ZNF385D: variants seen among roughly 807,000 people sequenced by gnomAD.
ZNF385D encodes the protein zinc finger protein 659.
A neutral mutation model predicts 35.8 loss-of-function variants in ZNF385D; 15 were observed. That is an observed-to-expected ratio of 0.42 (90% CI 0.28 to 0.64). ZNF385D has a LOEUF of 0.64. Ranked by LOEUF, ZNF385D falls within the 30% of genes least tolerant of loss-of-function variation. The pLI, the probability that ZNF385D is intolerant of heterozygous loss-of-function variation, is 0.23. For synonymous variants in ZNF385D, 212 were observed against 186.8 expected (o/e 1.13, Z -1.10); for missense variants, 474 against 494.6 (o/e 0.96, Z 0.39).
At chr3:22,019,560 A>AT (rs1697102658) in intron 3 of ZNF385D, among the ~76,000 whole-genome samples, 1 of 151,978 alleles carries the variant, frequency 6.6e-6, no homozygotes, top group South Asian at 2.1e-4. Context: ...ACAAATGATG[A>AT]TCAGACTAAT....
At chr3:22,193,789 C>T (rs1363261718) in intron 2 of ZNF385D, among the ~76,000 whole-genome samples, 1 of 151,908 alleles carries the variant, frequency 6.6e-6, no homozygotes, top group African/African-American at 2.4e-5. Context: ...AGGGTAAATA[C>T]CCAAAGCCTC....
At chr3:21,724,614 A>G (rs940624045) in intron 1 of ZNF385D, among the ~76,000 whole-genome samples, 5 of 151,992 alleles carry the variant, frequency 3.3e-5, no homozygotes, top group African/African-American at 1.2e-4. Flanking sequence ...AAAGGGATCA[A>G]TGCAACAAGA....
chr3:21,660,028 C>G (rs1386106860), intron 2 of ZNF385D, among the ~76,000 whole-genome samples: 1 of 152,060 alleles, frequency 6.6e-6, no homozygotes, highest in African/African-American at 2.4e-5. Context: ...AAAACCCAAC[C>G]TCACAGTACA....
chr3:22,090,918 T>C (rs760213894), intron 3 of ZNF385D, among the ~76,000 whole-genome samples: 25 of 152,232 alleles, frequency 1.6e-4, no homozygotes, highest in Middle Eastern at 3.4e-3. Flanking sequence ...AACTAACTAG[T>C]GTGAAGTTAC....
At chr3:22,350,388 C>T (rs1296180516) in intron 2 of ZNF385D, among the ~76,000 whole-genome samples, 1 of 152,018 alleles carries the variant, frequency 6.6e-6, no homozygotes, top group Non-Finnish European at 1.5e-5. Flanking sequence ...AATTACTCAC[C>T]TTTGAACCCA....
intron 4 of ZNF385D, among the ~76,000 whole-genome samples, chr3:21,478,478 C>A (rs996960728): frequency 1.3e-5 from 2 of 152,106 alleles, no homozygotes; most frequent in African/African-American, 4.8e-5. Flanking sequence ...CCCAGATACA[C>A]CTGTTCCATT....
At chr3:21,673,807 T>C (rs572473131) in intron 1 of ZNF385D, among the ~76,000 whole-genome samples, 134 of 152,230 alleles carry the variant, frequency 8.8e-4, no homozygotes, top group African/African-American at 3.2e-3. Context: ...GGAGTGTTTA[T>C]TAGTATCTGA....
At chr3:21,509,527 C>A (rs1707041906) in intron 4 of ZNF385D, among the ~76,000 whole-genome samples, 1 of 152,200 alleles carries the variant, frequency 6.6e-6, no homozygotes, top group African/African-American at 2.4e-5. Context: ...ATGGCACAAT[C>A]CAGCTCTTGC....
intron 2 of ZNF385D, among the ~76,000 whole-genome samples, chr3:22,188,347 G>C (rs1695780687): frequency 1.3e-5 from 2 of 152,122 alleles, no homozygotes; most frequent in African/African-American, 4.8e-5. Context: ...ACCTATAATA[G>C]TCTTGCTTCA....
chr3:21,468,701 G>A (rs1045882110), intron 4 of ZNF385D, among the ~76,000 whole-genome samples: 21 of 152,150 alleles, frequency 1.4e-4, no homozygotes, highest in Middle Eastern at 6.8e-3. Context: ...CGAGGCAGGC[G>A]GATCACGAGG....
intron 3 of ZNF385D, among the ~76,000 whole-genome samples, chr3:22,160,300 G>T (rs1013834496): frequency 3.3e-5 from 5 of 152,094 alleles, no homozygotes; most frequent in African/African-American, 1.2e-4. Context: ...TATGCCAAAA[G>T]AGATCACTGT....
chr3:22,139,595 T>A (rs554192897), intron 3 of ZNF385D, among the ~76,000 whole-genome samples: 4 of 139,614 alleles, frequency 2.9e-5, no homozygotes, highest in South Asian at 4.9e-4. Context: ...AAGGGGAACA[T>A]CACACACTGG....
At chr3:21,675,481 G>A (rs1257916670) in intron 1 of ZNF385D, among the ~76,000 whole-genome samples, 1 of 152,168 alleles carries the variant, frequency 6.6e-6, no homozygotes, top group East Asian at 1.9e-4. Context: ...TCAAGTTCAT[G>A]CAGTTAGTAA....
intron 2 of ZNF385D, among the ~76,000 whole-genome samples, chr3:22,182,651 T>C (rs1246978641): frequency 6.6e-6 from 1 of 151,972 alleles, no homozygotes; most frequent in African/African-American, 2.4e-5. Flanking sequence ...GTAGTATTCA[T>C]TTTTCACTAT....
intron 2 of ZNF385D, among the ~76,000 whole-genome samples, chr3:21,651,282 C>G (rs1200835115): frequency 2.9e-5 from 2 of 68,624 alleles, no homozygotes. Context: ...AGCGAGACTT[C>G]ATCTCAAAAA....
At chr3:21,912,016 T>C (rs1260488441) in intron 3 of ZNF385D, among the ~76,000 whole-genome samples, 1 of 151,960 alleles carries the variant, frequency 6.6e-6, no homozygotes, top group East Asian at 1.9e-4. Flanking sequence ...CTGTTAAAAT[T>C]ATATTTGAAC....
At position 22,256,837 on chromosome 3, in the gene ZNF385D, G is replaced by A. The variant is rs369268067; in HGVS notation, c.107-87802C>T. ...GAACTAAAACTCTCTCGTCTTCACAGATTCATTTTCTCAGTGGAGAAGGAT... is the reference window on the plus strand; with the variant it reads ...GAACTAAAACTCTCTCGTCTTCACAAATTCATTTTCTCAGTGGAGAAGGAT... On this transcript the variant is annotated intron_variant, in intron 2 of 5. Coordinates refer to the ZNF385D transcript ENST00000494108. 1.1e-4 allele frequency among the ~76,000 whole-genome samples: 17 copies of A among 151,884 alleles called. No homozygotes were observed. In the East Asian group the frequency reaches 2.5e-3, roughly 23 times the overall value.
At chr3:21,635,216 C>T (rs1187386642) in intron 2 of ZNF385D, among the ~76,000 whole-genome samples, 3 of 151,964 alleles carry the variant, frequency 2.0e-5, no homozygotes, top group East Asian at 1.9e-4. Flanking sequence ...CTTCTATCAT[C>T]GTAGAATGAA....
intron 3 of ZNF385D, among the ~76,000 whole-genome samples, chr3:22,111,511 A>C (rs1702535476): frequency 6.6e-6 from 1 of 152,042 alleles, no homozygotes; most frequent in African/African-American, 2.4e-5. Flanking sequence ...ACTCAGAAAA[A>C]GCCACATGGA....
Sources: allele counts gnomAD v4.1 joint callset (sites outside exome capture counted in the v4.1 genomes callset), GRCh38; gene constraint gnomAD v4.1.1; transcripts MANE v1.5; gene names NCBI Gene and HGNC (gene_info 2026-07-23, HGNC 2026-07-21).